The following XIRP2 variants were observed in gnomAD, a reference collection of about 807,000 sequenced individuals.
The protein encoded by XIRP2 is xin actin-binding repeat-containing protein 2.
A neutral mutation model predicts 277.0 loss-of-function variants in XIRP2; 236 were observed. That is an observed-to-expected ratio of 0.85 (90% CI 0.77 to 0.95). XIRP2 has a LOEUF of 0.95. XIRP2 is among the 40% of genes least tolerant of loss of function. The pLI, the probability that XIRP2 is intolerant of heterozygous loss-of-function variation, is 0.00. For synonymous variants in XIRP2, 1,490 were observed against 1,416.5 expected, an observed-to-expected ratio of 1.05 and a Z score of -1.17; for missense variants, 4,640 against 4,157.5, an observed-to-expected ratio of 1.12 and a Z score of -3.19.
At chr2:167,230,036 C>T (rs1694708061) in intron 5 of XIRP2, among the ~76,000 whole-genome samples, 1 of 152,050 alleles carries the variant, frequency 6.6e-6, no homozygotes, top group Admixed American at 6.6e-5. Flanking sequence ...GACAGTACAC[C>T]TTATGTACCT....
chr2:167,000,934 C>T (rs1198512864), intron 2 of XIRP2, among the ~76,000 whole-genome samples: 5 of 151,988 alleles, frequency 3.3e-5, no homozygotes, highest in African/African-American at 9.7e-5. Context: ...GTAGTACCAG[C>T]TACTTGGGAG....
At chr2:167,254,796 A>G (rs1372290055) in intron 10 of XIRP2, among the ~76,000 whole-genome samples, 1 of 151,870 alleles carries the variant, frequency 6.6e-6, no homozygotes, top group Non-Finnish European at 1.5e-5. Flanking sequence ...GAGCAAACAG[A>G]AACACCCTAT....
intron 2 of XIRP2, among the ~76,000 whole-genome samples, chr2:166,963,190 A>G (rs34625407): frequency 6.6e-6 from 1 of 151,874 alleles, no homozygotes; most frequent in African/African-American, 2.4e-5. Context: ...AAATAAAAAA[A>G]CAAAAATCAT....
At chr2:167,055,359 T>C (rs2105542079) in intron 2 of XIRP2, among the ~76,000 whole-genome samples, 1 of 152,288 alleles carries the variant, frequency 6.6e-6, no homozygotes, top group Non-Finnish European at 1.5e-5. Context: ...GTAGTGATTT[T>C]CCTACTAGGG....
chr2:166,909,538 G>C (rs552909324), intron 2 of XIRP2, among the ~76,000 whole-genome samples: 7 of 152,264 alleles, frequency 4.6e-5, no homozygotes, highest in African/African-American at 1.7e-4. Flanking sequence ...GGGTTTTCTA[G>C]ATATACAATC....
At chr2:166,896,402 G>A (rs1405751957) in intron 1 of XIRP2, among the ~76,000 whole-genome samples, 5 of 151,860 alleles carry the variant, frequency 3.3e-5, no homozygotes, top group African/African-American at 9.7e-5. Context: ...GATATCGGAG[G>A]TGAAAGACAG....
chr2:166,949,067 G>T (rs780009875), intron 2 of XIRP2, among the ~76,000 whole-genome samples: 2 of 151,800 alleles, frequency 1.3e-5, no homozygotes, highest in Non-Finnish European at 2.9e-5. Context: ...CCAGGCCTTT[G>T]TTAATAAAGC....
intron 3 of XIRP2, among the ~76,000 whole-genome samples, chr2:167,161,761 C>A (rs781444997): frequency 1.3e-5 from 2 of 152,184 alleles, no homozygotes; most frequent in African/African-American, 4.8e-5. Flanking sequence ...TAACATTTAG[C>A]TCCTCATTAC....
At chr2:166,916,180 A>G (rs1684873407) in intron 2 of XIRP2, among the ~76,000 whole-genome samples, 1 of 152,238 alleles carries the variant, frequency 6.6e-6, no homozygotes, top group African/African-American at 2.4e-5. Context: ...TCTGCATAAT[A>G]TCAGGCATTC....
At chr2:167,181,864 G>A (rs1693018680) in intron 3 of XIRP2, among the ~76,000 whole-genome samples, 1 of 152,060 alleles carries the variant, frequency 6.6e-6, no homozygotes, top group Non-Finnish European at 1.5e-5. Context: ...TCCACATTTG[G>A]CTCATTGGTC....
intron 7 of XIRP2, 137 bp downstream of exon 7, chr2:167,240,873 G>A: frequency 1.4e-6 from 1 of 727,152 alleles, no homozygotes; most frequent in South Asian, 1.8e-5. Context: ...AGGGAGAGCT[G>A]AGTAGTATTT....
chr2:166,909,801 A>C (rs958508612), intron 2 of XIRP2, among the ~76,000 whole-genome samples: 2 of 152,148 alleles, frequency 1.3e-5, no homozygotes, highest in Non-Finnish European at 2.9e-5. Flanking sequence ...ATCAATACCT[A>C]GTTTATTGAT....
At chr2:167,107,186 C>T (rs1367022508) in intron 2 of XIRP2, among the ~76,000 whole-genome samples, 2 of 151,520 alleles carry the variant, frequency 1.3e-5, no homozygotes, top group Non-Finnish European at 3.0e-5. Context: ...TTTTTGTTTC[C>T]ATTTCTTGCC....
At chr2:166,904,617 T>G (rs1443116296) in intron 2 of XIRP2, among the ~76,000 whole-genome samples, 2 of 152,138 alleles carry the variant, frequency 1.3e-5, no homozygotes, top group Non-Finnish European at 2.9e-5. Flanking sequence ...TTTATACTTT[T>G]GCGGTAATTA....
chr2:167,013,629 T>G (rs899161303), intron 2 of XIRP2, among the ~76,000 whole-genome samples: 1 of 151,622 alleles, frequency 6.6e-6, no homozygotes, highest in African/African-American at 2.4e-5. Flanking sequence ...ATGTACTAAT[T>G]ATAACATTAG....
At chr2:167,225,427 A>C (rs1474814738) in intron 5 of XIRP2, among the ~76,000 whole-genome samples, 1 of 152,174 alleles carries the variant, frequency 6.6e-6, no homozygotes, top group Non-Finnish European at 1.5e-5. Context: ...TCTACCTTGT[A>C]ACATTTTCTG....
intron 2 of XIRP2, among the ~76,000 whole-genome samples, chr2:166,936,150 C>G (rs548537096): frequency 6.6e-6 from 1 of 152,214 alleles, no homozygotes; most frequent in Non-Finnish European, 1.5e-5. Context: ...ATTTGCATTT[C>G]TCTGATGGCC....
chr2:167,122,964 G>A (rs960956405), intron 2 of XIRP2, among the ~76,000 whole-genome samples: 3 of 152,016 alleles, frequency 2.0e-5, no homozygotes, highest in Non-Finnish European at 4.4e-5. Flanking sequence ...GGCCAGATAG[G>A]GCTTGCATTT....
At chr2:167,098,375 G>A (rs143800967) in intron 2 of XIRP2, among the ~76,000 whole-genome samples, 23 of 152,132 alleles carry the variant, frequency 1.5e-4, no homozygotes, top group African/African-American at 4.8e-4. Flanking sequence ...TGAAGTTCTC[G>A]TTCTGTGTTT....
Sources: allele counts gnomAD v4.1 joint callset (sites outside exome capture counted in the v4.1 genomes callset), GRCh38; gene constraint gnomAD v4.1.1; transcripts MANE v1.5; gene names NCBI Gene and HGNC (gene_info 2026-07-23, HGNC 2026-07-21).